SLCO3A1: variants seen among roughly 807,000 people sequenced by gnomAD.
SLCO3A1 encodes the protein PGE1 transporter.
In SLCO3A1, 27 loss-of-function variants were observed where a neutral mutation model predicts 63.1. The ratio of observed to expected loss-of-function variants is 0.43; its 90% confidence interval spans 0.32 to 0.59. The LOEUF is 0.59. Among genes scored for constraint, SLCO3A1 ranks in the 20% least tolerant of loss-of-function variants. The probability of loss-of-function intolerance (pLI) is 0.09; values close to 1 mark genes in which losing one functional copy is unlikely to be tolerated. For synonymous variants in SLCO3A1, 473 were observed against 409.9 expected (o/e 1.15, Z -1.86); for missense variants, 773 against 945.8 (o/e 0.82, Z 2.40).
rs369329021 is a variant in SLCO3A1 at position 91,986,669 on chromosome 15, T to C, written c.646+70211T>C. Among the ~76,000 whole-genome samples, 16 of 151,944 alleles carry C rather than the reference T, an allele frequency of 1.1e-4. No homozygotes were observed. In the East Asian group the frequency reaches 1.7e-3, roughly 17 times the overall value. ...GCACCTCAGTTCAGACCAGCTGCAT[T>C]GGTTAACCTCCTGGACAGGGCAGCC... On this transcript the variant is annotated intron_variant, in intron 2 of 9. Coordinates refer to ENST00000318445, the MANE Select transcript of SLCO3A1 (RefSeq NM_013272.4).
intron 2 of SLCO3A1, among the ~76,000 whole-genome samples, chr15:91,927,518 T>C (rs1370580062): frequency 2.6e-5 from 4 of 152,292 alleles, no homozygotes; most frequent in African/African-American, 9.6e-5. Flanking sequence ...TTTTATGGGA[T>C]AGTTGGTGCA....
At chr15:92,046,505 G>A (rs1338231561) in intron 2 of SLCO3A1, among the ~76,000 whole-genome samples, 6 of 152,130 alleles carry the variant, frequency 3.9e-5, no homozygotes, top group African/African-American at 1.4e-4. Flanking sequence ...ACTCCAGCCT[G>A]GGCTACAGAG....
Position 92,128,572 on chromosome 15 carries a change from G to A in SLCO3A1, c.1512+83G>A, listed in dbSNP as rs566695906. The stretch of plus-strand genomic sequence containing the variant: ...ACCCAAGTTTTTGCCCAGGTTGTTC[G>A]CCTTCCCTGTGACTTTTTCTTAGCT... On this transcript the variant is annotated intron_variant, in intron 7 of 9. Transcript: ENST00000318445. 30 of 1,289,354 alleles carry A rather than the reference G, an allele frequency of 2.3e-5. No individual in the cohort carries two copies. In the Admixed American group the frequency reaches 3.0e-4, roughly 13 times the overall value. The allele number at this position is 1,289,354 out of a possible 1,614,324, so 79.9% of individuals were successfully genotyped here. A position where few individuals can be genotyped will look rare whatever the true frequency, so the allele number is the denominator to read the frequency against.
chr15:91,909,543 T>C (rs768230310), intron 1 of SLCO3A1, among the ~76,000 whole-genome samples: 1 of 152,196 alleles, frequency 6.6e-6, no homozygotes, highest in Non-Finnish European at 1.5e-5. Context: ...TAGCATCTGC[T>C]CCCTGACATG....
Position 92,165,463 on chromosome 15 carries a change from G to T in SLCO3A1, c.*2328G>T, listed in dbSNP as rs1000853666. 1.4e-5 allele frequency: 14 copies of T among 980,950 alleles called. No homozygotes were observed. The highest frequency in any genetic ancestry group is 5.2e-4 in the Middle Eastern group (1 of 1,932). The allele number at this position is 980,950 out of a possible 1,614,324, so 60.8% of individuals were successfully genotyped here. ...TCAAACTCAGTACACACACACTGAG[G>T]CCCTTTGACCTAGTGTTTTATGGAA... On this transcript the variant is annotated 3_prime_UTR_variant, in exon 10 of 10. Coordinates refer to ENST00000318445, the MANE Select transcript of SLCO3A1 (RefSeq NM_013272.4).
chr15:91,905,666 T>A (rs1374440063), intron 1 of SLCO3A1, among the ~76,000 whole-genome samples: 4 of 152,024 alleles, frequency 2.6e-5, no homozygotes, highest in South Asian at 4.1e-4. Flanking sequence ...CAAGGGAGTT[T>A]CAGGAAATGC....
chr15:92,027,251 T>C (rs576151961), intron 2 of SLCO3A1, among the ~76,000 whole-genome samples: 111 of 152,368 alleles, frequency 7.3e-4, no homozygotes, highest in Admixed American at 1.6e-3. Context: ...AAATACGTGA[T>C]TTCCTGGAGA....
At chr15:92,170,497 C>G (rs1296346400), downstream of SLCO3A1, among the ~76,000 whole-genome samples, 2 of 152,190 alleles carry the variant, frequency 1.3e-5, no homozygotes, top group Non-Finnish European at 2.9e-5. Context: ...GATCACATAG[C>G]TAGTTTATAA....
rs188508063 is a variant in SLCO3A1 at position 92,160,414 on chromosome 15, G to A, written c.1754-2342G>A. ...AATGAAAAAAGGCACTTGTTAGGGG[G>A]CAGGGAAAACACACAGGGTTGGTGG... On this transcript the variant is annotated intron_variant, in intron 9 of 9. Transcript: ENST00000318445. 1.6e-4 allele frequency among the ~76,000 whole-genome samples: 25 copies of A among 152,220 alleles called. No individual in the cohort carries two copies. In the East Asian group the frequency reaches 4.3e-3, roughly 26 times the overall value.
At chr15:92,087,494 C>T (rs1199302663) in intron 2 of SLCO3A1, among the ~76,000 whole-genome samples, 7 of 151,622 alleles carry the variant, frequency 4.6e-5, no homozygotes, top group Non-Finnish European at 1.0e-4. Context: ...CAAAATGTTG[C>T]CTAGTACTTT....
chr15:92,075,124 G>T (rs984999507), intron 2 of SLCO3A1, among the ~76,000 whole-genome samples: 1 of 152,106 alleles, frequency 6.6e-6, no homozygotes, highest in Non-Finnish European at 1.5e-5. Flanking sequence ...CCAGTCCCCC[G>T]TGCTCCATGT....
intron 2 of SLCO3A1, among the ~76,000 whole-genome samples, chr15:91,931,473 CTT>C (rs36006689): frequency 7.9e-4 from 112 of 142,652 alleles, no homozygotes; most frequent in Admixed American, 1.3e-3. Context: ...TGGGTTGTAT[CTT>C]TTTTTTTTTT....
chr15:91,953,450 C>CT (rs1442580234), intron 2 of SLCO3A1, among the ~76,000 whole-genome samples: 1 of 152,090 alleles, frequency 6.6e-6, no homozygotes, highest in Non-Finnish European at 1.5e-5. Context: ...GGTGTCAGGC[C>CT]TCTTGGGGAG....
intron 1 of SLCO3A1, among the ~76,000 whole-genome samples, chr15:91,902,007 T>C (rs970162603): frequency 6.6e-6 from 1 of 152,188 alleles, no homozygotes; most frequent in Non-Finnish European, 1.5e-5. Context: ...CTGTTCATTT[T>C]TCTTCTCTGT....
intron 2 of SLCO3A1, among the ~76,000 whole-genome samples, chr15:91,990,684 G>A (rs7163369): frequency 0.76 from 115,642 of 151,802 alleles, 44,975 homozygotes; most frequent in East Asian, 0.96. Context: ...GAGCACATCT[G>A]CTTGAAACCC....
At chr15:91,890,765 C>T (rs1897849590) in intron 1 of SLCO3A1, among the ~76,000 whole-genome samples, 1 of 152,192 alleles carries the variant, frequency 6.6e-6, no homozygotes, top group Non-Finnish European at 1.5e-5. Context: ...CAGCCTCCCT[C>T]ACCTTCCAGC....
chr15:92,165,348 T>C lies in SLCO3A1; in HGVS notation c.*2213T>C. On this transcript the variant is annotated 3_prime_UTR_variant, in exon 10 of 10. Coordinates refer to ENST00000318445, the MANE Select transcript of SLCO3A1 (RefSeq NM_013272.4). ...TAAAATATGTATGTTCTGTTGTTCC[T>C]AAGGCTTTGATAATATCCTGTACAG... 1.0e-6 allele frequency: 1 copy of C among 985,214 alleles called. No homozygotes were observed. Among genetic ancestry groups the C allele is most frequent in the Non-Finnish European group, 1.2e-6 (1 of 829,708 alleles). The allele number at this position is 985,214 out of a possible 1,614,324, so 61.0% of individuals were successfully genotyped here.
At chr15:92,152,216 T>C (rs748836523) in intron 9 of SLCO3A1, among the ~76,000 whole-genome samples, 15 of 152,244 alleles carry the variant, frequency 9.9e-5, no homozygotes, top group Non-Finnish European at 1.6e-4. Flanking sequence ...TATACCGATA[T>C]ATGAAAGAAA....
chr15:92,021,504 A>G (rs2151471945), intron 2 of SLCO3A1, among the ~76,000 whole-genome samples: 1 of 152,254 alleles, frequency 6.6e-6, no homozygotes, highest in East Asian at 1.9e-4. Context: ...GGCAGACACA[A>G]TGCATTTTGA....
Sources: allele counts gnomAD v4.1 joint callset (sites outside exome capture counted in the v4.1 genomes callset), GRCh38; gene constraint gnomAD v4.1.1; transcripts MANE v1.5; gene names NCBI Gene and HGNC (gene_info 2026-07-23, HGNC 2026-07-21).